Variants in HOMER2 observed in about 807,000 individuals in gnomAD.
HOMER2 encodes homer scaffold protein 2, also known as homer protein homolog 2.
A neutral mutation model predicts 47.0 loss-of-function variants in HOMER2; 27 were observed. The observed-to-expected ratio is 0.57, with a 90% CI of 0.42 to 0.79. HOMER2 has a LOEUF of 0.79. HOMER2 is among the 30% of genes least tolerant of loss of function. The pLI is 0.00. For synonymous variants in HOMER2, 161 were observed against 163.8 expected (o/e 0.98, Z 0.13); for missense variants, 443 against 435.0 (o/e 1.02, Z -0.16).
chr15:82,976,458 C>T (rs1248968250), intron 1 of HOMER2, among the ~76,000 whole-genome samples: 1 of 151,946 alleles, frequency 6.6e-6, no homozygotes, highest in Non-Finnish European at 1.5e-5. Context: ...CCACCACACC[C>T]AGCTAATTTT....
chr15:82,897,065 C>CTTTTTTTTTTTT (rs68038013), intron 1 of HOMER2, among the ~76,000 whole-genome samples: 8 of 101,850 alleles, frequency 7.9e-5, no homozygotes, highest in Non-Finnish European at 1.3e-4. Flanking sequence ...GATGTCATTT[C>CTTTTTTTTTTTT]TTTTTTTTTT....
Position 82,851,231 on chromosome 15 carries a change from C to T in HOMER2, c.763G>A (p.Glu255Lys). The T allele has an allele frequency of 6.4e-7, 1 of 1,554,290 alleles. No individual in the cohort carries two copies. The highest frequency in any genetic ancestry group is 8.7e-7 in the Non-Finnish European group (1 of 1,146,866). The change falls in exon 8 of 9, where the codon GAG becomes AAG. Residue 255 changes from glutamate to lysine, a missense_variant and splice_region_variant. By Grantham distance (56) the Glu-to-Lys change is moderately conservative. Transcript: ENST00000450735. Reference protein sequence around the residue: ...LEAELREKETELKDLRKQSEI... With the variant: ...LEAELREKETKLKDLRKQSEI... Reference sequence around the variant, plus strand: ...CTTTGTTTTCGGAGATCTTTCAGCTCCTACATGAAAAAAATTTGAGATAGA... The same window carrying T: ...CTTTGTTTTCGGAGATCTTTCAGCTTCTACATGAAAAAAATTTGAGATAGA...
At chr15:82,855,027 A>G (rs1385488826) in intron 5 of HOMER2, among the ~76,000 whole-genome samples, 3 of 152,170 alleles carry the variant, frequency 2.0e-5, no homozygotes, top group African/African-American at 7.2e-5. Context: ...TTCTTAAAGA[A>G]TCACCTTAGA....
chr15:82,963,300 C>T (rs1011102159), intron 1 of HOMER2, among the ~76,000 whole-genome samples: 4 of 151,916 alleles, frequency 2.6e-5, no homozygotes, highest in South Asian at 2.1e-4. Context: ...ATGTTGCCCA[C>T]GATGGTCTCA....
intron 1 of HOMER2, among the ~76,000 whole-genome samples, chr15:82,961,207 T>C (rs1401307672): frequency 1.3e-5 from 2 of 152,218 alleles, no homozygotes; most frequent in African/African-American, 4.8e-5. Flanking sequence ...AATACACTTC[T>C]ACTCACACAA....
At chr15:82,892,565 C>G (rs2052745837) in intron 2 of HOMER2, 120 bp downstream of exon 2, 2 of 738,256 alleles carry the variant, frequency 2.7e-6, no homozygotes, top group Non-Finnish European at 4.0e-6. Flanking sequence ...GCAAAAAGAA[C>G]AGAATATGTT....
chr15:82,976,597 A>AT (rs2030210413), intron 1 of HOMER2, among the ~76,000 whole-genome samples: 1 of 148,324 alleles, frequency 6.7e-6, no homozygotes, highest in African/African-American at 2.5e-5. Context: ...ACACTATTTT[A>AT]TATACTGCAT....
intron 1 of HOMER2, among the ~76,000 whole-genome samples, chr15:82,898,630 A>T (rs1021143575): frequency 1.3e-5 from 2 of 152,226 alleles, no homozygotes; most frequent in Non-Finnish European, 2.9e-5. Context: ...GTTCCCAAGA[A>T]TAATTAGATA....
At chr15:82,980,149 GTTTT>G (rs966710919) in intron 1 of HOMER2, among the ~76,000 whole-genome samples, 8 of 150,852 alleles carry the variant, frequency 5.3e-5, no homozygotes, top group African/African-American at 1.9e-4. Flanking sequence ...TGTACATCAT[GTTTT>G]TTTGTTATAT....
intron 2 of HOMER2, among the ~76,000 whole-genome samples, chr15:82,889,718 T>G (rs539296331): frequency 2.6e-5 from 4 of 152,210 alleles, no homozygotes; most frequent in Non-Finnish European, 5.9e-5. Flanking sequence ...TAGGGTTCTC[T>G]CTCCATGCCC....
chr15:82,866,067 G>C (rs1325908942), intron 3 of HOMER2, among the ~76,000 whole-genome samples: 1 of 152,140 alleles, frequency 6.6e-6, no homozygotes, highest in Non-Finnish European at 1.5e-5. Flanking sequence ...TCAACTGACA[G>C]TTTGCACCGT....
chr15:82,904,805 A>G (rs2053240195), intron 1 of HOMER2, among the ~76,000 whole-genome samples: 1 of 152,158 alleles, frequency 6.6e-6, no homozygotes, highest in African/African-American at 2.4e-5. Flanking sequence ...TTATCACCAC[A>G]TTACTAAAGG....
chr15:82,843,804 G>A (rs2051203825), exon 2 of HOMER2: 1 of 152,118 alleles, frequency 6.6e-6, no homozygotes, highest in Non-Finnish European at 1.5e-5. Context: ...TGTCTTTCTG[G>A]AAGGCAATTT....
chr15:82,858,383 C>G (rs2051658441), intron 5 of HOMER2, among the ~76,000 whole-genome samples: 2 of 151,964 alleles, frequency 1.3e-5, no homozygotes, highest in African/African-American at 4.8e-5. Flanking sequence ...TCTGCCACCT[C>G]CCAGGCTCAA....
chr15:82,888,857 C>T (rs1567034020), intron 2 of HOMER2, among the ~76,000 whole-genome samples: 2 of 28,750 alleles, frequency 7.0e-5, no homozygotes, highest in Admixed American at 3.9e-4. Context: ...CCGTCTTCTG[C>T]GTCGCTCACG....
Position 82,930,011 on chromosome 15 carries a change from G to A in HOMER2, c.5+22520C>T, listed in dbSNP as rs554064032. On this transcript the variant is annotated intron_variant, in intron 1 of 8. Coordinates refer to ENST00000450735, the MANE Select transcript of HOMER2 (RefSeq NM_004839.4). The stretch of plus-strand genomic sequence containing the variant: ...CCCAAAGTGCTGGGATTACAGGCGT[G>A]AGCCACCACGCCCGGCCTAACACAG... Among the ~76,000 whole-genome samples the A allele has an allele frequency of 5.1e-3, 784 of 152,328 alleles. 3 individuals are homozygous for A. Among genetic ancestry groups the A allele is most frequent in the Non-Finnish European group, 8.0e-3 (546 of 68,040 alleles).
At chr15:82,841,855 T>C (rs1596294656) in exon 2 of HOMER2, 1 of 152,286 alleles carries the variant, frequency 6.6e-6, no homozygotes, top group South Asian at 2.1e-4. Flanking sequence ...TGTACTGACA[T>C]AGGAAGATCT....
chr15:82,892,701 C>G lies in HOMER2; in HGVS notation c.146G>C (p.Ser49Thr). Residue 49 changes from serine (S) to threonine (T), a missense_variant, in exon 2 of 9, where the codon AGT becomes ACT. By Grantham distance (58) the Ser-to-Thr change is moderately conservative. Transcript: ENST00000450735. ...GGGTGGTACCTTGGCTCCGTCCACA[C>G]TGATGATCCGATAGCTGTTCCTTGT... is the stretch of plus-strand genomic sequence containing the variant. Reference protein sequence around the residue: ...DVTRNSYRIISVDGAKVIINS... With the variant: ...DVTRNSYRIITVDGAKVIINS... 6.3e-7 allele frequency: 1 copy of G among 1,587,692 alleles called. No individual in the cohort carries two copies. The highest frequency in any genetic ancestry group is 1.1e-5 in the South Asian group (1 of 87,822).
chr15:82,927,595 T>C (rs2053884889), intron 1 of HOMER2, among the ~76,000 whole-genome samples: 1 of 152,206 alleles, frequency 6.6e-6, no homozygotes, highest in South Asian at 2.1e-4. Flanking sequence ...CTTGCTATAC[T>C]GTAAGCTCTA....
Sources: gnomAD v4.1 joint callset for allele counts (sites outside exome capture counted in the v4.1 genomes callset) on GRCh38, gnomAD v4.1.1 for gene constraint, MANE v1.5 for transcripts, NCBI Gene and HGNC (gene_info 2026-07-23, HGNC 2026-07-21) for gene names.